CKAP4: variants seen among roughly 807,000 people sequenced by gnomAD.
The protein encoded by CKAP4 is cytoskeleton associated protein 4, also known as cytoskeleton-associated protein 4.
CKAP4 carries 20 observed loss-of-function variants against 24.4 expected under a neutral mutation model. That is an observed-to-expected ratio of 0.82 (90% confidence interval 0.58 to 1.19). The LOEUF (loss-of-function observed/expected upper bound fraction) is 1.19. CKAP4 is among the 50% of genes most tolerant of loss of function. The probability of loss-of-function intolerance (pLI) is 0.00; values close to 1 mark genes in which losing one functional copy is unlikely to be tolerated. For missense variants in CKAP4, 744 were observed against 765.3 expected (o/e 0.97, Z 0.33); for synonymous variants, 378 against 351.7 (o/e 1.07, Z -0.84).
intron 1 of CKAP4, chr12:106,245,680 C>A (rs1473093944): frequency 6.6e-6 from 1 of 150,962 alleles, no homozygotes; most frequent in Non-Finnish European, 1.5e-5. Context: ...CTGCAACCTC[C>A]ACCTCCCGGG....
chr12:106,239,752 C>A lies in CKAP4; in HGVS notation c.1081G>T (p.Glu361Ter). Residue 361 changes from glutamate to a stop codon, truncating the protein, a stop_gained, in exon 2 of 2, where the codon GAG becomes TAG. Transcript: ENST00000378026. LOFTEE classifies it low-confidence loss of function (END_TRUNC). This position sits in a 1 kb window ranked among gnomAD's most constrained non-coding sequence, Gnocchi z 4.9. The part of the protein sequence containing the change: ...ALTEKLLRSE[E>*]SVSRLPEEIR... ...TCCTCCGGGAGGCGGGAGACGGACT[C>A]CTCAGACCTGAGAAGCTTCTCCGTG... 1 of 1,614,078 alleles carries A rather than the reference C, an allele frequency of 6.2e-7. No homozygotes were observed. The highest frequency in any genetic ancestry group is 8.5e-7 in the Non-Finnish European group (1 of 1,180,022).
Position 106,240,348 on chromosome 12 carries a change from A to G in CKAP4, c.485T>C (p.Val162Ala), listed in dbSNP as rs1565948700. 3.7e-6 allele frequency: 6 copies of G among 1,606,190 alleles called. No homozygotes were observed. The Admixed American group carries it at 6.7e-5, about 18-fold the overall frequency. The change falls in exon 2 of 2, where the codon GTG becomes GCG. Residue 162 changes from valine (V) to alanine (A), a missense_variant and splice_region_variant. Around this residue, in one of 3 missense-constraint regions of CKAP4, gnomAD observed 300 missense variants for 264.5 expected, o/e 1.13. Coordinates refer to ENST00000378026, the MANE Select transcript of CKAP4 (RefSeq NM_006825.4). ...GQGLQGVEQK[V>A]QSLQATFGTF... ...TCCAAATGTGGCTTGCAAAGACTGC[A>G]CCTGTAATCAAAATCCAGACGTTAA...
chr12:106,238,661 C>T lies in CKAP4; in HGVS notation c.*363G>A. ...GAAAGAAAAGGGTCCCCCCAACCCA[C>T]CTTTTTTTTTTTTTTACTTGAAATC... is the stretch of plus-strand genomic sequence containing the variant. On this transcript the variant is annotated 3_prime_UTR_variant, in exon 2 of 2. Transcript: ENST00000378026. 5.4e-6 allele frequency: 1 copy of T among 183,538 alleles called. No individual in the cohort carries two copies. The highest frequency in any genetic ancestry group is 1.1e-5 in the Non-Finnish European group (1 of 90,106). 11.4% of individuals were successfully genotyped at this position (183,538 alleles called of 1,614,324 possible).
In CKAP4 at chr12:106,247,814, T is replaced by A; in HGVS notation, c.38A>T (p.His13Leu). The change falls in exon 1 of 2, where the codon CAC becomes CTC. Residue 13 changes from histidine (H) to leucine (L), a missense_variant. Coordinates refer to ENST00000378026, the MANE Select transcript of CKAP4 (RefSeq NM_006825.4). The surrounding 1 kb of genome is among the most constrained non-coding windows in gnomAD (Gnocchi z 4.5). ...SAKQRGSKGGHGAASPSEKGA... is the reference protein window; with the variant it reads ...SAKQRGSKGGLGAASPSEKGA... ...CTTCTCCGAGGGGCTCGCGGCGCCG[T>A]GGCCGCCCTTGGAGCCCCTTTGTTT... The A allele has an allele frequency of 1.9e-6, 2 of 1,048,134 alleles. No individual in the cohort carries two copies. Among genetic ancestry groups the A allele is most frequent in the South Asian group, 4.4e-5 (1 of 22,982 alleles). 64.9% of individuals were successfully genotyped at this position (1,048,134 alleles called of 1,614,324 possible).
In CKAP4 at chr12:106,247,569, A is replaced by AGGC. The variant is rs572619681; in HGVS notation, c.280_282dup (p.Ala94dup). 3,052 of 1,381,256 alleles carry AGGC rather than the reference A, an allele frequency of 2.2e-3. 61 individuals are homozygous for AGGC. In the African/African-American group the frequency reaches 0.042, roughly 19 times the overall value. The allele number at this position is 1,381,256 out of a possible 1,614,324, so 85.6% of individuals were successfully genotyped here. A position where few individuals can be genotyped will look rare whatever the true frequency, so the allele number is the denominator to read the frequency against. On this transcript the variant is annotated inframe_insertion, in exon 1 of 2. Transcript: ENST00000378026. This position sits in a 1 kb window ranked among gnomAD's most constrained non-coding sequence, Gnocchi z 4.5. ...CTGCGCGAGCAGGACGCCGAGGACGAGGCGGCGGCGGCGGCAGCGGCGGCG... is the reference window on the plus strand; with the variant it reads ...CTGCGCGAGCAGGACGCCGAGGACGAGGCGGCGGCGGCGGCGGCAGCGGCGGCG...
At chr12:106,243,999 AC>A (rs561032786) in intron 1 of CKAP4, among the ~76,000 whole-genome samples, 1 of 151,922 alleles carries the variant, frequency 6.6e-6, no homozygotes, top group African/African-American at 2.4e-5. Flanking sequence ...ACCAAACTCC[AC>A]CCCCCAACAA....
In CKAP4 at chr12:106,239,870, G is replaced by C; in HGVS notation, c.963C>G (p.Ile321Met). Residue 321 changes from isoleucine (I) to methionine (M), a missense_variant, in exon 2 of 2, where the codon ATC becomes ATG. Transcript: ENST00000378026. The surrounding 1 kb of genome is among the most constrained non-coding windows in gnomAD (Gnocchi z 4.9). Reference protein sequence around the residue: ...RSTLQTMESDIYTEVRELVSL... With the variant: ...RSTLQTMESDMYTEVRELVSL... Reference sequence around the variant, plus strand: ...TCACCAGCTCGCGGACCTCGGTGTAGATGTCAGACTCCATAGTCTGAAGGG... The same window carrying C: ...TCACCAGCTCGCGGACCTCGGTGTACATGTCAGACTCCATAGTCTGAAGGG... The C allele has an allele frequency of 6.2e-7, 1 of 1,614,112 alleles. No homozygotes were observed. Among genetic ancestry groups the C allele is most frequent in the Non-Finnish European group, 8.5e-7 (1 of 1,180,032 alleles).
chr12:106,245,584 C>T (rs2034001690), intron 1 of CKAP4: 2 of 144,798 alleles, frequency 1.4e-5, no homozygotes, highest in Admixed American at 1.4e-4. Context: ...GTTGCTCTGC[C>T]AGTCTTTTTT....
Sources: allele counts gnomAD v4.1 joint callset (sites outside exome capture counted in the v4.1 genomes callset), GRCh38; gene constraint gnomAD v4.1.1; regional missense constraint gnomAD v4.1.1; non-coding constraint Gnocchi (gnomAD v3.1); transcripts MANE v1.5; gene names NCBI Gene and HGNC (gene_info 2026-07-23, HGNC 2026-07-21).